Variants in CHSY3 observed in about 807,000 individuals in gnomAD.
CHSY3 encodes the protein N-acetylgalactosaminyl-proteoglycan 3-beta-glucuronosyltransferase 3.
CHSY3 carries 35 observed loss-of-function variants against 67.2 expected under a neutral mutation model. The ratio of observed to expected loss-of-function variants is 0.52; its 90% CI spans 0.40 to 0.69. CHSY3 has a LOEUF of 0.69. Ranked by LOEUF, CHSY3 falls within the 30% of genes least tolerant of loss-of-function variation. CHSY3 has a pLI of 0.00. For missense variants in CHSY3, 1,069 were observed against 1,138.5 expected, an observed-to-expected ratio of 0.94 and a Z score of 0.88; for synonymous variants, 474 against 434.7, an observed-to-expected ratio of 1.09 and a Z score of -1.12.
chr5:130,078,406 A>C (rs1580711460), intron 2 of CHSY3, among the ~76,000 whole-genome samples: 1 of 152,124 alleles, frequency 6.6e-6, no homozygotes, highest in African/African-American at 2.4e-5. Flanking sequence ...AAAGAGATAC[A>C]TATCCCGGTC....
chr5:129,941,988 G>A (rs1040714152), intron 2 of CHSY3, among the ~76,000 whole-genome samples: 20 of 152,296 alleles, frequency 1.3e-4, no homozygotes, highest in African/African-American at 4.3e-4. Flanking sequence ...CAGATAAAGA[G>A]ATGCGTAGGA....
chr5:130,067,520 C>G (rs1344978510), intron 2 of CHSY3, among the ~76,000 whole-genome samples: 1 of 152,004 alleles, frequency 6.6e-6, no homozygotes, highest in Non-Finnish European at 1.5e-5. Context: ...ATAAAACAGA[C>G]TTTTTAGTGG....
At chr5:130,078,550 A>AT (rs998613045) in intron 2 of CHSY3, among the ~76,000 whole-genome samples, 5 of 152,024 alleles carry the variant, frequency 3.3e-5, no homozygotes, top group African/African-American at 4.8e-5. Flanking sequence ...TGACTATTGG[A>AT]TTTTTTTATT....
rs868815033 is a variant in CHSY3 at position 130,178,257 on chromosome 5, T to A, written c.1087-5972T>A. ...TATATATATATATATATATATATTT[T>A]TTTTTTTTTTTTTCCTGAGACGGAG... On this transcript the variant is annotated intron_variant, in intron 2 of 2. Coordinates refer to ENST00000305031, the MANE Select transcript of CHSY3 (RefSeq NM_175856.5). Among the ~76,000 whole-genome samples, 307 of 89,932 alleles carry A rather than the reference T, an allele frequency of 3.4e-3. 4 individuals are homozygous for A. The highest frequency in any genetic ancestry group is 0.012 in the African/African-American group (279 of 23,604). 59.0% of individuals were successfully genotyped at this position (89,932 alleles called of 152,430 possible).
At chr5:129,997,083 C>CT (rs1182101447) in intron 2 of CHSY3, among the ~76,000 whole-genome samples, 6 of 150,506 alleles carry the variant, frequency 4.0e-5, no homozygotes, top group Non-Finnish European at 5.9e-5. Flanking sequence ...ATGATGAAGT[C>CT]TACCAAAGTG....
intron 2 of CHSY3, among the ~76,000 whole-genome samples, chr5:130,143,784 G>GTGTGTGTGTATATATATATATGTGTATA (rs1179526892): frequency 1.4e-5 from 1 of 73,844 alleles, no homozygotes; most frequent in Admixed American, 1.8e-4. Flanking sequence ...ATATATATGT[G>GTGTGTGTGTATATATATATATGTGTATA]TATATATATA....
In CHSY3 at chr5:129,905,519, C is replaced by T. The variant is rs768537462; in HGVS notation, c.690C>T (p.Asp230=). 1 of 1,613,406 alleles carries T rather than the reference C, an allele frequency of 6.2e-7. No homozygotes were observed. Among genetic ancestry groups the T allele is most frequent in the African/African-American group, 1.3e-5 (1 of 75,032 alleles). ...CTGTCATCGCGCTACCGGGTGTGGACGACTCCTATCCTCCCCAGAAAAAGT... is the reference window on the plus strand; with the variant it reads ...CTGTCATCGCGCTACCGGGTGTGGATGACTCCTATCCTCCCCAGAAAAAGT... ...PLPVIALPGV[D]DSYPPQKKSF... The change falls in exon 1 of 3, where the codon GAC becomes GAT. Residue 230 remains aspartate (D), a synonymous_variant. Coordinates refer to ENST00000305031, the MANE Select transcript of CHSY3 (RefSeq NM_175856.5).
chr5:130,057,980 C>T (rs924059579), intron 2 of CHSY3, among the ~76,000 whole-genome samples: 2 of 151,926 alleles, frequency 1.3e-5, no homozygotes, highest in African/African-American at 4.8e-5. Flanking sequence ...ATCTTTGTTT[C>T]CTATTTCCCC....
At position 130,138,597 on chromosome 5, in the gene CHSY3, G is replaced by C. The variant is rs72795771; in HGVS notation, c.1087-45632G>C. On this transcript the variant is annotated intron_variant, in intron 2 of 2. Coordinates refer to ENST00000305031, the MANE Select transcript of CHSY3 (RefSeq NM_175856.5). ...CCAAGACTGCTGAATTTTTAGCCTAGAATACATTTCATTCTTTATGCCCAG... is the reference window on the plus strand; with the variant it reads ...CCAAGACTGCTGAATTTTTAGCCTACAATACATTTCATTCTTTATGCCCAG... 2.4e-3 allele frequency among the ~76,000 whole-genome samples: 369 copies of C among 152,308 alleles called. 1 individual carries two copies. The highest frequency in any genetic ancestry group is 3.8e-3 in the Non-Finnish European group (259 of 68,026).
chr5:129,985,123 T>C (rs918398179), intron 2 of CHSY3, among the ~76,000 whole-genome samples: 12 of 152,202 alleles, frequency 7.9e-5, no homozygotes, highest in African/African-American at 2.9e-4. Flanking sequence ...TAGTATTTCC[T>C]AAGTTTTCTT....
At chr5:130,018,168 A>T (rs921098764) in intron 2 of CHSY3, among the ~76,000 whole-genome samples, 1 of 152,190 alleles carries the variant, frequency 6.6e-6, no homozygotes, top group African/African-American at 2.4e-5. Context: ...ATTTGTAAAA[A>T]ATAAATCTTA....
At position 129,964,143 on chromosome 5, in the gene CHSY3, A is replaced by G. The variant is rs80005860; in HGVS notation, c.1086+55783A>G. 3.7e-4 allele frequency among the ~76,000 whole-genome samples: 56 copies of G among 152,020 alleles called. No homozygotes were observed. The East Asian group carries it at 0.01, about 28-fold the overall frequency. ...TGGTTTGCCTCCTTACTCTAGGGCC[A>G]GGATTTTATGTGGCTGGAAGTTGTT... is the stretch of plus-strand genomic sequence containing the variant. On this transcript the variant is annotated intron_variant, in intron 2 of 2. Transcript: ENST00000305031.
chr5:129,943,393 C>T (rs1415837924), intron 2 of CHSY3, among the ~76,000 whole-genome samples: 3 of 152,100 alleles, frequency 2.0e-5, no homozygotes, highest in South Asian at 2.1e-4. Context: ...TGCAAAACAG[C>T]GATTGTCATA....
At chr5:130,094,180 G>C (rs1766971971) in intron 2 of CHSY3, among the ~76,000 whole-genome samples, 1 of 152,076 alleles carries the variant, frequency 6.6e-6, no homozygotes, top group Non-Finnish European at 1.5e-5. Flanking sequence ...GAGGGAGAGA[G>C]AAGGCTGGTA....
chr5:130,048,879 TAGAC>T (rs1448157767), intron 2 of CHSY3, among the ~76,000 whole-genome samples: 2 of 151,890 alleles, frequency 1.3e-5, no homozygotes, highest in African/African-American at 4.8e-5. Context: ...AAATTTCAGT[TAGAC>T]AGGAAGAATG....
chr5:130,179,759 T>G (rs919674118), intron 2 of CHSY3, among the ~76,000 whole-genome samples: 14 of 152,112 alleles, frequency 9.2e-5, no homozygotes, highest in African/African-American at 3.4e-4. Flanking sequence ...GTGTCAGTGT[T>G]ACACTATTTT....
intron 2 of CHSY3, among the ~76,000 whole-genome samples, chr5:130,035,896 T>G (rs997730400): frequency 1.4e-5 from 2 of 147,874 alleles, no homozygotes; most frequent in Non-Finnish European, 3.0e-5. Context: ...GTTTTTTTTT[T>G]TTTTTTTTTT....
intron 2 of CHSY3, among the ~76,000 whole-genome samples, chr5:129,927,168 T>C (rs1199645650): frequency 6.6e-6 from 1 of 151,954 alleles, no homozygotes; most frequent in Non-Finnish European, 1.5e-5. Flanking sequence ...TTTCATTTTA[T>C]GTTCTTTATG....
intron 2 of CHSY3, among the ~76,000 whole-genome samples, chr5:129,913,077 A>G (rs913599538): frequency 2.6e-5 from 4 of 152,330 alleles, no homozygotes; most frequent in South Asian, 2.1e-4. Context: ...TAGAGCTGCA[A>G]TCTGGCAGTT....
Sources: gnomAD v4.1 joint callset for allele counts (sites outside exome capture counted in the v4.1 genomes callset) on GRCh38, gnomAD v4.1.1 for gene constraint, MANE v1.5 for transcripts, NCBI Gene and HGNC (gene_info 2026-07-23, HGNC 2026-07-21) for gene names.